ETFA: variants seen among roughly 807,000 people sequenced by gnomAD.
The protein encoded by ETFA is electron transfer flavoprotein subunit alpha.
Under a neutral mutation model 46.2 loss-of-function variants are expected in ETFA, and 22 were observed. The ratio of observed to expected loss-of-function variants is 0.48; its 90% confidence interval spans 0.34 to 0.68. The LOEUF (loss-of-function observed/expected upper bound fraction) is 0.68. Among genes scored for constraint, ETFA ranks in the 30% least tolerant of loss-of-function variants. ETFA has a pLI of 0.01. For missense variants in ETFA, 345 were observed against 401.1 expected, an observed-to-expected ratio of 0.86 and a Z score of 1.19; for synonymous variants, 131 against 139.9, an observed-to-expected ratio of 0.94 and a Z score of 0.45.
At chr15:76,229,337 A>G (rs958659024) in intron 10 of ETFA, among the ~76,000 whole-genome samples, 3 of 152,226 alleles carry the variant, frequency 2.0e-5, no homozygotes, top group African/African-American at 7.2e-5. Flanking sequence ...GAATGGTCTT[A>G]ATAAACATCT....
intron 9 of ETFA, among the ~76,000 whole-genome samples, chr15:76,233,989 CCT>C (rs949342573): frequency 6.6e-5 from 10 of 152,264 alleles, no homozygotes; most frequent in African/African-American, 2.4e-4. Flanking sequence ...CTTAAAACCC[CCT>C]GTGTCCCCAA....
intron 8 of ETFA, among the ~76,000 whole-genome samples, chr15:76,282,844 AG>A: frequency 6.6e-6 from 1 of 152,236 alleles, no homozygotes. Flanking sequence ...TTTTCAAAAC[AG>A]GGTCTCAATT....
intron 9 of ETFA, among the ~76,000 whole-genome samples, chr15:76,273,843 T>A (rs2039566502): frequency 6.6e-6 from 1 of 152,218 alleles, no homozygotes. Context: ...GATTCAACTT[T>A]GAGACCAAAA....
At chr15:76,255,842 T>A (rs995465603) in intron 9 of ETFA, among the ~76,000 whole-genome samples, 1 of 152,002 alleles carries the variant, frequency 6.6e-6, no homozygotes, top group Non-Finnish European at 1.5e-5. Flanking sequence ...ACTGCCTTAG[T>A]GGTAGTTTCA....
chr15:76,232,917 T>C (rs76200311), intron 9 of ETFA, among the ~76,000 whole-genome samples: 1,675 of 152,298 alleles, frequency 0.011, 28 homozygotes, highest in East Asian at 0.048. Flanking sequence ...CTCCCTGATC[T>C]TTACAAGCAT....
At chr15:76,260,900 C>T (rs1319742146) in intron 9 of ETFA, 2 of 1,611,830 alleles carry the variant, frequency 1.2e-6, no homozygotes, top group African/African-American at 2.7e-5. Flanking sequence ...CCAGGACTTC[C>T]CAGCCTCCTG....
intron 9 of ETFA, among the ~76,000 whole-genome samples, chr15:76,241,022 C>T (rs1175394644): frequency 1.3e-5 from 2 of 151,520 alleles, no homozygotes; most frequent in Non-Finnish European, 2.9e-5. Context: ...AGAGATTTTC[C>T]ATTGTGGGAA....
chr15:76,253,595 G>T (rs910269050), intron 9 of ETFA, among the ~76,000 whole-genome samples: 1 of 152,122 alleles, frequency 6.6e-6, no homozygotes, highest in Non-Finnish European at 1.5e-5. Context: ...AGAGAAAACA[G>T]ACCCAAATTA....
At chr15:76,229,699 G>A (rs1047357) in intron 10 of ETFA, among the ~76,000 whole-genome samples, 5,941 of 152,238 alleles carry the variant, frequency 0.039, 354 homozygotes, top group African/African-American at 0.13. Context: ...CCATCCAACT[G>A]TAAAATCTGA....
intron 9 of ETFA, among the ~76,000 whole-genome samples, chr15:76,252,240 C>T (rs769878914): frequency 6.6e-6 from 1 of 152,184 alleles, no homozygotes; most frequent in Non-Finnish European, 1.5e-5. Flanking sequence ...ACAACTACGG[C>T]TCACTGCACC....
intron 9 of ETFA, among the ~76,000 whole-genome samples, chr15:76,235,920 T>G (rs2039117991): frequency 6.6e-6 from 1 of 152,150 alleles, no homozygotes. Flanking sequence ...TTAAAGCAGG[T>G]TTTAATGGTC....
At chr15:76,245,686 T>G (rs1476386351) in intron 9 of ETFA, among the ~76,000 whole-genome samples, 2 of 152,190 alleles carry the variant, frequency 1.3e-5, no homozygotes, top group African/African-American at 2.4e-5. Flanking sequence ...ATACACAAAA[T>G]AATCTACTCC....
rs114118815 is a variant in ETFA at position 76,221,082 on chromosome 15, C to T, written c.964-4485G>A. On this transcript the variant is annotated intron_variant, in intron 11 of 11. Transcript: ENST00000557943. ...CAAAAAGGGGAAAAACCCAACATGT[C>T]CATCAAATGATAAATGAATGAACAA... is the stretch of plus-strand genomic sequence containing the variant. 4.0e-3 allele frequency among the ~76,000 whole-genome samples: 602 copies of T among 152,204 alleles called. 3 individuals carry two copies. Among genetic ancestry groups the T allele is most frequent in the African/African-American group, 0.014 (570 of 41,508 alleles).
intron 6 of ETFA, 114 bp from the exon 7 acceptor site, chr15:76,285,852 T>A (rs2141530956): frequency 1.3e-6 from 1 of 745,268 alleles, no homozygotes; most frequent in Middle Eastern, 2.6e-4. Flanking sequence ...AGTTAATTAC[T>A]GTGAATTTTC....
chr15:76,260,244 G>A (rs1274159202), intron 9 of ETFA: 1 of 1,206,366 alleles, frequency 8.3e-7, no homozygotes, highest in East Asian at 2.3e-5. Context: ...GATGCACTTG[G>A]GCCTTTCTTG....
chr15:76,275,349 A>G (rs1019461945), intron 8 of ETFA, among the ~76,000 whole-genome samples: 4 of 152,180 alleles, frequency 2.6e-5, no homozygotes, highest in East Asian at 1.9e-4. Context: ...AGTGTATTAA[A>G]ACTCAGGTTT....
intron 9 of ETFA, among the ~76,000 whole-genome samples, chr15:76,243,895 A>AT (rs1375672239): frequency 6.6e-6 from 1 of 151,848 alleles, no homozygotes; most frequent in Non-Finnish European, 1.5e-5. Context: ...TATTATTATT[A>AT]GTTTTTTTGA....
chr15:76,246,417 C>T (rs544633094), intron 9 of ETFA, among the ~76,000 whole-genome samples: 9 of 152,266 alleles, frequency 5.9e-5, no homozygotes, highest in African/African-American at 1.4e-4. Context: ...AGGGTATCCA[C>T]TAAAAACAGA....
At chr15:76,308,669 C>T (rs2039959959) in intron 1 of ETFA, among the ~76,000 whole-genome samples, 1 of 152,194 alleles carries the variant, frequency 6.6e-6, no homozygotes, top group Admixed American at 6.5e-5. Context: ...ACTTGCAGGA[C>T]ATCTAGAGTA....
Sources: allele counts gnomAD v4.1 joint callset (sites outside exome capture counted in the v4.1 genomes callset), GRCh38; gene constraint gnomAD v4.1.1; transcripts MANE v1.5; gene names NCBI Gene and HGNC (gene_info 2026-07-23, HGNC 2026-07-21).